SRGAP2C: variants seen among roughly 807,000 people sequenced by gnomAD.
SRGAP2C encodes the protein SLIT-ROBO Rho GTPase activating protein 2C.
In SRGAP2C, 15 loss-of-function variants were observed where a neutral mutation model predicts 25.1. That is an observed-to-expected ratio of 0.60 (90% CI 0.40 to 0.92). The LOEUF (loss-of-function observed/expected upper bound fraction) is 0.92, where lower values mean the gene tolerates loss of function less well. Among genes scored for constraint, SRGAP2C ranks in the 40% least tolerant of loss-of-function variants. The pLI, the probability that SRGAP2C is intolerant of heterozygous loss-of-function variation, is 0.00. For missense variants in SRGAP2C, 144 were observed against 264.4 expected, an observed-to-expected ratio of 0.54 and a Z score of 3.16; for synonymous variants, 44 against 96.6, an observed-to-expected ratio of 0.46 and a Z score of 3.19.
intron 3 of SRGAP2C, among the ~76,000 whole-genome samples, chr1:121,285,292 C>A: frequency 6.6e-6 from 1 of 150,688 alleles, no homozygotes; most frequent in Non-Finnish European, 1.5e-5. Flanking sequence ...ATCCCAACAA[C>A]TCCATATGAT....
At chr1:121,335,251 G>A (rs1658485516) in intron 4 of SRGAP2C, among the ~76,000 whole-genome samples, 3 of 149,694 alleles carry the variant, frequency 2.0e-5, no homozygotes, top group Admixed American at 6.7e-5. Flanking sequence ...TGAGGCAGGA[G>A]AATCACTTGA....
At chr1:121,272,495 A>C (rs1656997846) in intron 2 of SRGAP2C, among the ~76,000 whole-genome samples, 4 of 151,736 alleles carry the variant, frequency 2.6e-5, no homozygotes. Context: ...AGAAATGGTA[A>C]AAAGGTGGTT....
intron 2 of SRGAP2C, among the ~76,000 whole-genome samples, chr1:121,201,912 A>G (rs1469177091): frequency 6.6e-6 from 1 of 152,102 alleles, no homozygotes; most frequent in African/African-American, 2.4e-5. Context: ...CCCCCTCCCC[A>G]CCTCACTAGC....
At chr1:121,227,895 G>T (rs1655721107) in intron 2 of SRGAP2C, among the ~76,000 whole-genome samples, 1 of 147,596 alleles carries the variant, frequency 6.8e-6, no homozygotes, top group African/African-American at 2.7e-5. Context: ...CATTCAGACT[G>T]GGGCTCTACA....
intron 3 of SRGAP2C, among the ~76,000 whole-genome samples, chr1:121,320,974 A>G (rs1306340223): frequency 6.6e-6 from 1 of 152,186 alleles, no homozygotes; most frequent in African/African-American, 2.4e-5. Flanking sequence ...GTCAAGTTAT[A>G]GGCTCACCTG....
rs1197767168 is a variant in SRGAP2C, at chr1:121,355,545, G to A, written c.424-9748G>A. On this transcript the variant is annotated intron_variant, in intron 4 of 9. Coordinates refer to ENST00000367123, the MANE Select transcript of SRGAP2C (RefSeq NM_001329984.2). ...ACCTTGGTCTCGATCTCCTGACCTCGTGATCCGCCCGCCTCGGCCTCCCAA... is the reference window on the plus strand; with the variant it reads ...ACCTTGGTCTCGATCTCCTGACCTCATGATCCGCCCGCCTCGGCCTCCCAA... Among the ~76,000 whole-genome samples the A allele has an allele frequency of 8.7e-3, 1,120 of 129,240 alleles. 15 individuals are homozygous for A. The highest frequency in any genetic ancestry group is 0.018 in the Middle Eastern group (5 of 276). 84.8% of individuals were successfully genotyped at this position (129,240 alleles called of 152,430 possible).
At chr1:121,213,085 G>A (rs374299842) in intron 2 of SRGAP2C, among the ~76,000 whole-genome samples, 1 of 139,052 alleles carries the variant, frequency 7.2e-6, no homozygotes, top group East Asian at 2.1e-4. Context: ...TTGTTCTGTT[G>A]CCCAGGCTGG....
chr1:121,293,082 C>T (rs1570765954), intron 3 of SRGAP2C, among the ~76,000 whole-genome samples: 1 of 130,244 alleles, frequency 7.7e-6, no homozygotes, highest in Admixed American at 7.9e-5. Context: ...AGTGCCAATG[C>T]TAGGCATTGA....
intron 4 of SRGAP2C, among the ~76,000 whole-genome samples, chr1:121,329,294 G>C (rs1357786855): frequency 6.6e-6 from 1 of 152,102 alleles, no homozygotes; most frequent in Non-Finnish European, 1.5e-5. Context: ...AGAATCCAAC[G>C]TTTTCATCTA....
chr1:121,212,296 A>C (rs1488559133), intron 2 of SRGAP2C, among the ~76,000 whole-genome samples: 3 of 146,896 alleles, frequency 2.0e-5, no homozygotes, highest in South Asian at 4.5e-4. Flanking sequence ...ACGCTCGGCT[A>C]ATTTTTGTAT....
At chr1:121,294,648 G>T (rs1657559642) in intron 3 of SRGAP2C, among the ~76,000 whole-genome samples, 2 of 96,534 alleles carry the variant, frequency 2.1e-5, no homozygotes, top group Admixed American at 1.1e-4. Context: ...TAGCTCACTT[G>T]GTTTTGATCT....
At chr1:121,224,877 G>A (rs1392203235) in intron 2 of SRGAP2C, among the ~76,000 whole-genome samples, 9 of 148,676 alleles carry the variant, frequency 6.1e-5, no homozygotes, top group Non-Finnish European at 1.2e-4. Flanking sequence ...AGCATGAATG[G>A]GGTGCTATTC....
intron 3 of SRGAP2C, among the ~76,000 whole-genome samples, chr1:121,286,026 A>C (rs1371021766): frequency 2.6e-5 from 4 of 152,236 alleles, no homozygotes; most frequent in African/African-American, 9.6e-5. Flanking sequence ...TAATATTTTA[A>C]GAAAGTTTAC....
At chr1:121,293,229 T>C (rs1258501056) in intron 3 of SRGAP2C, among the ~76,000 whole-genome samples, 29 of 94,096 alleles carry the variant, frequency 3.1e-4, no homozygotes, top group African/African-American at 1.2e-3. Flanking sequence ...GGATAACTTA[T>C]CTGTTTTGCT....
At chr1:121,258,544 C>A (rs587679971) in intron 2 of SRGAP2C, among the ~76,000 whole-genome samples, 87 of 151,008 alleles carry the variant, frequency 5.8e-4, no homozygotes, top group African/African-American at 2.1e-3. Flanking sequence ...TGGCTCACGG[C>A]AACCTCTGCC....
chr1:121,223,249 GT>G (rs1168833176), intron 2 of SRGAP2C, among the ~76,000 whole-genome samples: 2 of 147,966 alleles, frequency 1.4e-5, no homozygotes, highest in Non-Finnish European at 3.0e-5. Context: ...CTTGAGGCTA[GT>G]TTTGTACCTG....
rs1285036773 is a variant in SRGAP2C at position 121,312,599 on chromosome 1, C to A, written c.261-11879C>A. On this transcript the variant is annotated intron_variant, in intron 3 of 9. Transcript: ENST00000367123. Reference sequence around the variant, plus strand: ...TTCCCTCTACACACTGCTTTGAATGCGTCCCAGAGATTCTGGTATGTTGTG... The same window carrying A: ...TTCCCTCTACACACTGCTTTGAATGAGTCCCAGAGATTCTGGTATGTTGTG... Among the ~76,000 whole-genome samples, 298 of 118,574 alleles carry A rather than the reference C, an allele frequency of 2.5e-3. 1 individual carries two copies. Among genetic ancestry groups the A allele is most frequent in the African/African-American group, 8.9e-3 (278 of 31,084 alleles). The allele number at this position is 118,574 out of a possible 152,430, so 77.8% of individuals were successfully genotyped here.
At chr1:121,328,827 C>T (rs1358551325) in intron 4 of SRGAP2C, among the ~76,000 whole-genome samples, 1 of 144,452 alleles carries the variant, frequency 6.9e-6, no homozygotes, top group South Asian at 2.2e-4. Context: ...TTTGAGGCTG[C>T]AGTGATCTAT....
At chr1:121,223,376 TGTGTGTG>T in intron 2 of SRGAP2C, among the ~76,000 whole-genome samples, 5 of 108,366 alleles carry the variant, frequency 4.6e-5, no homozygotes, top group African/African-American at 1.9e-4. Context: ...TGTGTGTGTG[TGTGTGTG>T]TGTGTGTGTG....
Sources: allele counts gnomAD v4.1 joint callset (sites outside exome capture counted in the v4.1 genomes callset), GRCh38; gene constraint gnomAD v4.1.1; transcripts MANE v1.5; gene names NCBI Gene and HGNC (gene_info 2026-07-23, HGNC 2026-07-21).